ADCY8: variants seen among roughly 807,000 people sequenced by gnomAD.
The protein encoded by ADCY8 is adenylate cyclase 8.
A neutral mutation model predicts 119.7 loss-of-function variants in ADCY8; 51 were observed. The ratio of observed to expected loss-of-function variants is 0.43; its 90% CI spans 0.34 to 0.54. The LOEUF is 0.54. ADCY8 is among the 20% of genes least tolerant of loss of function. The pLI is 0.03. For synonymous variants in ADCY8, 665 were observed against 651.0 expected (o/e 1.02, Z -0.33); for missense variants, 1,383 against 1,598.8 (o/e 0.87, Z 2.30).
chr8:130,847,131 G>A (rs988416475), intron 11 of ADCY8, among the ~76,000 whole-genome samples: 5 of 151,948 alleles, frequency 3.3e-5, no homozygotes, highest in African/African-American at 1.2e-4. Flanking sequence ...TGGATAGAAG[G>A]AAAGGTGAAA....
Position 131,039,877 on chromosome 8 carries a change from T to G in ADCY8, c.457A>C (p.Ile153Leu), listed in dbSNP as rs779029189. The change falls in exon 1 of 18, where the codon ATT becomes CTT. Residue 153 changes from isoleucine (I) to leucine (L), a missense_variant. Physicochemically the swap from Ile to Leu is conservative, Grantham distance 5 (BLOSUM62 2). Coordinates refer to ENST00000286355, the MANE Select transcript of ADCY8 (RefSeq NM_001115.3). ...LNGGYSYRGV[I>L]FPTLRNSFKS... ...AAGGAGTTGCGCAGGGTGGGGAAAATGACCCCTCGGTAGCTATAGCCCCCA... is the reference window on the plus strand; with the variant it reads ...AAGGAGTTGCGCAGGGTGGGGAAAAGGACCCCTCGGTAGCTATAGCCCCCA... 1 of 1,613,888 alleles carries G rather than the reference T, an allele frequency of 6.2e-7. No individual in the cohort carries two copies. Among genetic ancestry groups the G allele is most frequent in the Non-Finnish European group, 8.5e-7 (1 of 1,179,890 alleles).
intron 2 of ADCY8, among the ~76,000 whole-genome samples, chr8:130,976,823 A>T (rs1477190419): frequency 1.3e-5 from 2 of 152,230 alleles, no homozygotes; most frequent in African/African-American, 4.8e-5. Flanking sequence ...TATTTAAAAA[A>T]TTTTAAAAAT....
intron 4 of ADCY8, among the ~76,000 whole-genome samples, chr8:130,942,942 G>C (rs1313372367): frequency 6.6e-6 from 1 of 152,184 alleles, no homozygotes. Context: ...GCAGATTACT[G>C]GTTTTTGAGA....
At chr8:130,871,294 C>T (rs1219971754) in intron 8 of ADCY8, among the ~76,000 whole-genome samples, 1 of 152,190 alleles carries the variant, frequency 6.6e-6, no homozygotes, top group East Asian at 1.9e-4. Flanking sequence ...GTTCTGTCCT[C>T]ACCTGGCCCC....
intron 3 of ADCY8, among the ~76,000 whole-genome samples, chr8:130,944,954 G>A (rs1219545671): frequency 1.3e-5 from 2 of 152,194 alleles, no homozygotes; most frequent in African/African-American, 4.8e-5. Context: ...TGTGATTGAA[G>A]GACATATTGG....
chr8:130,938,914 C>T (rs1231423500), intron 4 of ADCY8, among the ~76,000 whole-genome samples: 3 of 152,144 alleles, frequency 2.0e-5, no homozygotes, highest in Non-Finnish European at 4.4e-5. Flanking sequence ...AGGTCTGATT[C>T]ATTAAATAAA....
At chr8:130,789,149 G>T (rs1435657255) in intron 15 of ADCY8, among the ~76,000 whole-genome samples, 3 of 152,168 alleles carry the variant, frequency 2.0e-5, no homozygotes, top group Non-Finnish European at 4.4e-5. Flanking sequence ...TTATCAAATT[G>T]TATATTTTAT....
chr8:130,946,319 A>G (rs1354274235), intron 3 of ADCY8, among the ~76,000 whole-genome samples: 1 of 152,210 alleles, frequency 6.6e-6, no homozygotes, highest in Non-Finnish European at 1.5e-5. Context: ...TAAAAGTTTC[A>G]GATGTCTTCA....
At position 131,016,443 on chromosome 8, in the gene ADCY8, T is replaced by C. The variant is rs150436987; in HGVS notation, c.960+22931A>G. ...TGCTTAAGCCCAGGAGATTGAGTCC[T>C]CAGTGAGCTATGATTGCACTACTGC... On this transcript the variant is annotated intron_variant, in intron 1 of 17. Transcript: ENST00000286355. Among the ~76,000 whole-genome samples the C allele has an allele frequency of 4.2e-3, 643 of 152,250 alleles. 2 individuals carry two copies. The highest frequency in any genetic ancestry group is 0.015 in the African/African-American group (610 of 41,540).
At chr8:130,820,032 G>A (rs75196261) in intron 13 of ADCY8, among the ~76,000 whole-genome samples, 7,982 of 152,190 alleles carry the variant, frequency 0.052, 258 homozygotes, top group Middle Eastern at 0.1. Flanking sequence ...TACTTTCATC[G>A]TCCATAAAAC....
At chr8:130,963,902 T>C (rs778560379) in intron 2 of ADCY8, among the ~76,000 whole-genome samples, 1 of 152,042 alleles carries the variant, frequency 6.6e-6, no homozygotes, top group Non-Finnish European at 1.5e-5. Flanking sequence ...AAACTAGAAA[T>C]AAGAAATTCT....
chr8:130,893,657 GGT>G (rs113157821), intron 7 of ADCY8, among the ~76,000 whole-genome samples: 2,544 of 148,924 alleles, frequency 0.017, 43 homozygotes, highest in East Asian at 0.049. Flanking sequence ...GGGAGAAGAA[GGT>G]GTGTGTGTGT....
At chr8:130,952,738 G>A (rs759675692) in intron 2 of ADCY8, among the ~76,000 whole-genome samples, 1 of 152,174 alleles carries the variant, frequency 6.6e-6, no homozygotes, top group Non-Finnish European at 1.5e-5. Context: ...GGGACCAGGT[G>A]GGGGAAGCTC....
At chr8:130,998,100 T>C (rs2130756686) in intron 1 of ADCY8, among the ~76,000 whole-genome samples, 1 of 152,292 alleles carries the variant, frequency 6.6e-6, no homozygotes, top group Admixed American at 6.5e-5. Context: ...GCAGATAATG[T>C]CCTGCTGTCA....
intron 12 of ADCY8, among the ~76,000 whole-genome samples, chr8:130,831,350 CT>C (rs1816828725): frequency 6.6e-6 from 1 of 152,140 alleles, no homozygotes; most frequent in African/African-American, 2.4e-5. Context: ...TCAAAATTTC[CT>C]ATTTTAATGG....
intron 15 of ADCY8, among the ~76,000 whole-genome samples, chr8:130,799,506 G>C (rs370049052): frequency 6.6e-6 from 1 of 151,420 alleles, no homozygotes; most frequent in Non-Finnish European, 1.5e-5. Context: ...TTTTTTTCCC[G>C]CCCCAAGCCC....
At position 131,040,006 on chromosome 8, in the gene ADCY8, G is replaced by C; in HGVS notation, c.328C>G (p.Pro110Ala). The change falls in exon 1 of 18, where the codon CCG becomes GCG. Residue 110 changes from proline (P) to alanine (A), a missense_variant. Coordinates refer to ENST00000286355, the MANE Select transcript of ADCY8 (RefSeq NM_001115.3). The stretch of plus-strand genomic sequence containing the variant: ...GCACTGCCGCTCCCGCTGCGTTCCG[G>C]GAAGACTTTGGTGCCGCAGGTGCTG... ...AHSTCGTKVF[P>A]ERSGSGSASG... The C allele has an allele frequency of 1.9e-6, 3 of 1,561,860 alleles. No homozygotes were observed. The highest frequency in any genetic ancestry group is 2.6e-6 in the Non-Finnish European group (3 of 1,155,790).
chr8:130,953,871 C>A (rs1225571998), intron 2 of ADCY8, among the ~76,000 whole-genome samples: 2 of 152,164 alleles, frequency 1.3e-5, no homozygotes, highest in East Asian at 3.9e-4. Context: ...GAGTGCTATC[C>A]CATCACGGGA....
Position 130,984,045 on chromosome 8 carries a change from C to G in ADCY8, c.1110+6348G>C, listed in dbSNP as rs572899849. On this transcript the variant is annotated intron_variant, in intron 2 of 17. Coordinates refer to ENST00000286355, the MANE Select transcript of ADCY8 (RefSeq NM_001115.3). ...ATCAGTGGAATCCCTGCAGGGAGGA[C>G]AGCAGCCTGAATGTCTGGGCTTCCT... is the stretch of plus-strand genomic sequence containing the variant. Among the ~76,000 whole-genome samples, 5 of 150,064 alleles carry G rather than the reference C, an allele frequency of 3.3e-5. No individual in the cohort carries two copies. In the South Asian group the frequency reaches 1.0e-3, roughly 31 times the overall value.
Sources: gnomAD v4.1 joint callset for allele counts (sites outside exome capture counted in the v4.1 genomes callset) on GRCh38, gnomAD v4.1.1 for gene constraint, MANE v1.5 for transcripts, NCBI Gene and HGNC (gene_info 2026-07-23, HGNC 2026-07-21) for gene names.